The following KCNK13 variants were observed in gnomAD, a reference collection of about 807,000 sequenced individuals.
KCNK13 encodes potassium two pore domain channel subfamily K member 13.
In KCNK13, 12 loss-of-function variants were observed where a neutral mutation model predicts 23.4. That is an observed-to-expected ratio of 0.51 (90% CI 0.33 to 0.83). The LOEUF (loss-of-function observed/expected upper bound fraction) is 0.83, where lower values mean the gene tolerates loss of function less well. KCNK13 is among the 40% of genes least tolerant of loss of function. The pLI is 0.02. For missense variants in KCNK13, 463 were observed against 556.3 expected (o/e 0.83, Z 1.69); for synonymous variants, 231 against 229.5 (o/e 1.01, Z -0.06).
chr14:90,143,756 A>G (rs1164480012), intron 1 of KCNK13, among the ~76,000 whole-genome samples: 1 of 152,182 alleles, frequency 6.6e-6, no homozygotes, highest in Non-Finnish European at 1.5e-5. Context: ...AGAAAAAGGG[A>G]AGAGATGTGC....
chr14:90,145,995 TCAAAA>T (rs144565802), intron 1 of KCNK13, among the ~76,000 whole-genome samples: 12 of 151,908 alleles, frequency 7.9e-5, no homozygotes, highest in East Asian at 1.9e-4. Flanking sequence ...AGACCCTGTC[TCAAAA>T]CAAAACAAAA....
rs150089667 is a variant in KCNK13 at position 90,172,447 on chromosome 14, C to T, written c.335-11664C>T. On this transcript the variant is annotated intron_variant, in intron 1 of 1. Transcript: ENST00000282146. Reference sequence around the variant, plus strand: ...GGTGACCGAAATTGTTAATTTCCTACGGAACATGTAAGCCTTTGGTGCACA... The same window carrying T: ...GGTGACCGAAATTGTTAATTTCCTATGGAACATGTAAGCCTTTGGTGCACA... 5.7e-3 allele frequency among the ~76,000 whole-genome samples: 865 copies of T among 152,218 alleles called. 7 individuals are homozygous for T. The highest frequency in any genetic ancestry group is 0.02 in the African/African-American group (815 of 41,522).
At chr14:90,104,176 G>T (rs1889515563) in intron 1 of KCNK13, among the ~76,000 whole-genome samples, 1 of 151,982 alleles carries the variant, frequency 6.6e-6, no homozygotes, top group African/African-American at 2.4e-5. Context: ...TCTCTTCTCA[G>T]CCGAGCCTCC....
intron 1 of KCNK13, among the ~76,000 whole-genome samples, chr14:90,086,037 G>A (rs1889272384): frequency 6.6e-6 from 1 of 151,036 alleles, no homozygotes; most frequent in African/African-American, 2.4e-5. Flanking sequence ...ACTTAACTAT[G>A]ATATGGATAT....
At chr14:90,144,706 G>A (rs547006106) in intron 1 of KCNK13, among the ~76,000 whole-genome samples, 52 of 151,894 alleles carry the variant, frequency 3.4e-4, no homozygotes, top group African/African-American at 1.2e-3. Context: ...TAATCTACCC[G>A]CCTCAGCCTC....
rs147993635 is a variant in KCNK13, at chr14:90,167,627, C to G, written c.335-16484C>G. Reference sequence around the variant, plus strand: ...GGTTAAGGTGCCACACTAGAAAACACTGCCTAGAACACTGGGGACCCAGGC... The same window carrying G: ...GGTTAAGGTGCCACACTAGAAAACAGTGCCTAGAACACTGGGGACCCAGGC... On this transcript the variant is annotated intron_variant, in intron 1 of 1. Coordinates refer to ENST00000282146, the MANE Select transcript of KCNK13 (RefSeq NM_022054.4). Among the ~76,000 whole-genome samples, 31 of 152,292 alleles carry G rather than the reference C, an allele frequency of 2.0e-4. No individual in the cohort carries two copies. In the East Asian group the frequency reaches 5.8e-3, roughly 29 times the overall value.
intron 1 of KCNK13, among the ~76,000 whole-genome samples, chr14:90,152,797 T>C (rs1278038570): frequency 6.6e-6 from 1 of 152,196 alleles, no homozygotes; most frequent in Non-Finnish European, 1.5e-5. Flanking sequence ...AATGGTCCCA[T>C]ATGAATTTTA....
intron 1 of KCNK13, among the ~76,000 whole-genome samples, chr14:90,078,425 A>T (rs941531800): frequency 3.0e-4 from 46 of 151,794 alleles, no homozygotes; most frequent in Middle Eastern, 3.4e-3. Flanking sequence ...CTCAAAAAAA[A>T]AAAAAGAAAG....
intron 1 of KCNK13, among the ~76,000 whole-genome samples, chr14:90,098,653 CAA>C (rs1259916075): frequency 1.5e-4 from 16 of 104,558 alleles, no homozygotes; most frequent in Admixed American, 3.1e-4. Flanking sequence ...ACTCGGTCTC[CAA>C]AAAAAAAAAA....
chr14:90,167,290 G>A (rs140698842), intron 1 of KCNK13, among the ~76,000 whole-genome samples: 133 of 152,256 alleles, frequency 8.7e-4, no homozygotes, highest in African/African-American at 3.0e-3. Flanking sequence ...GCCCAGGAGC[G>A]AAGGAAGAAC....
intron 1 of KCNK13, among the ~76,000 whole-genome samples, chr14:90,101,540 G>A (rs1889476945): frequency 1.3e-5 from 2 of 151,930 alleles, no homozygotes; most frequent in Admixed American, 1.3e-4. Flanking sequence ...TATAATCCCA[G>A]CACTTTGGTA....
intron 1 of KCNK13, among the ~76,000 whole-genome samples, chr14:90,155,591 G>GA (rs1364041470): frequency 6.6e-6 from 1 of 152,226 alleles, no homozygotes; most frequent in East Asian, 1.9e-4. Flanking sequence ...GAGGTAGCAG[G>GA]AAAGGTGATG....
chr14:90,076,429 G>T (rs113927410), intron 1 of KCNK13, among the ~76,000 whole-genome samples: 3,765 of 152,258 alleles, frequency 0.025, 166 homozygotes, highest in African/African-American at 0.085. Context: ...AAGAGGGAAG[G>T]AAAGAGGTAA....
chr14:90,074,035 C>T (rs1889107575), intron 1 of KCNK13, among the ~76,000 whole-genome samples: 1 of 152,090 alleles, frequency 6.6e-6, no homozygotes, highest in South Asian at 2.1e-4. Flanking sequence ...GTGACGCGAT[C>T]TTGGCTCACT....
intron 1 of KCNK13, among the ~76,000 whole-genome samples, chr14:90,080,611 T>C (rs1227232791): frequency 1.3e-5 from 2 of 152,220 alleles, no homozygotes; most frequent in African/African-American, 4.8e-5. Flanking sequence ...TCAGACTTGC[T>C]TTTATATTTG....
intron 1 of KCNK13, among the ~76,000 whole-genome samples, chr14:90,139,972 A>C (rs1889986100): frequency 6.6e-6 from 1 of 151,756 alleles, no homozygotes; most frequent in Admixed American, 6.6e-5. Context: ...AAAAACAAAC[A>C]AAAAAAAATT....
intron 1 of KCNK13, among the ~76,000 whole-genome samples, chr14:90,072,267 C>A (rs1479024094): frequency 6.6e-6 from 1 of 152,208 alleles, no homozygotes; most frequent in Admixed American, 6.5e-5. Context: ...CTAATCAGCT[C>A]TCCTGTGTCT....
chr14:90,104,509 A>G (rs767690272), intron 1 of KCNK13, among the ~76,000 whole-genome samples: 11 of 152,078 alleles, frequency 7.2e-5, no homozygotes, highest in Non-Finnish European at 1.3e-4. Flanking sequence ...ATACATTCCT[A>G]TCTTTGGGGA....
At chr14:90,095,881 T>C (rs1482833725) in intron 1 of KCNK13, among the ~76,000 whole-genome samples, 1 of 152,188 alleles carries the variant, frequency 6.6e-6, no homozygotes, top group African/African-American at 2.4e-5. Flanking sequence ...GATCTGTGCT[T>C]CTGACTGACT....
Sources: gnomAD v4.1 joint callset for allele counts (sites outside exome capture counted in the v4.1 genomes callset) on GRCh38, gnomAD v4.1.1 for gene constraint, MANE v1.5 for transcripts, NCBI Gene and HGNC (gene_info 2026-07-23, HGNC 2026-07-21) for gene names.